The following SLC19A1 variants were observed in gnomAD, a reference collection of about 807,000 sequenced individuals.
SLC19A1 encodes the protein reduced folate transporter.
SLC19A1 carries 37 observed loss-of-function variants against 35.3 expected under a neutral mutation model. That is an observed-to-expected ratio of 1.05 (90% CI 0.81 to 1.38). The LOEUF is 1.38. SLC19A1 is among the 40% of genes most tolerant of loss of function. The pLI is 0.00. For synonymous variants in SLC19A1, 460 were observed against 398.5 expected, an observed-to-expected ratio of 1.15 and a Z score of -1.84; for missense variants, 831 against 826.9, an observed-to-expected ratio of 1.00 and a Z score of -0.06.
At chr21:45,512,505 T>G, downstream of SLC19A1, 1 of 977,010 alleles carries the variant, frequency 1.0e-6, no homozygotes, top group Non-Finnish European at 1.6e-6. Flanking sequence ...CTGGCTGCCA[T>G]ACTTTCCTGT....
At position 45,507,555 on chromosome 21, in the gene SLC19A1, T is replaced by A. The variant is rs368420980; in HGVS notation, c.498-8943A>T. ...GGTCCTGGGTGACCCTGCTGCTTTC[T>A]TCCAGCTGGAGGCCCGGACACCACT... is the stretch of plus-strand genomic sequence containing the variant. On this transcript the variant is annotated intron_variant, in intron 3 of 4. Coordinates refer to the SLC19A1 transcript ENST00000417954. 4.4e-4 allele frequency: 711 copies of A among 1,612,050 alleles called. 3 individuals carry two copies. The Middle Eastern group carries it at 5.0e-3, about 11-fold the overall frequency.
intron 5 of SLC19A1, among the ~76,000 whole-genome samples, chr21:45,520,753 G>C (rs1476393611): frequency 6.6e-6 from 1 of 152,202 alleles, no homozygotes; most frequent in Non-Finnish European, 1.5e-5. Context: ...GGGCATGGTG[G>C]CTCATGCCTG....
At chr21:45,523,443 C>T (rs1175644349) in intron 5 of SLC19A1, among the ~76,000 whole-genome samples, 2 of 152,224 alleles carry the variant, frequency 1.3e-5, no homozygotes, top group African/African-American at 4.8e-5. Flanking sequence ...TCCACGGCCA[C>T]ACCAGGACCA....
downstream of SLC19A1, chr21:45,511,117 C>T (rs1165305931): frequency 2.6e-6 from 4 of 1,564,288 alleles, no homozygotes; most frequent in African/African-American, 5.5e-5. Flanking sequence ...CCAGGACGAG[C>T]TGCTGTTTCC....
At chr21:45,532,200 C>T (rs749085791) in intron 2 of SLC19A1, 52 bp from the exon 3 acceptor site, 5 of 1,467,630 alleles carry the variant, frequency 3.4e-6, no homozygotes, top group Non-Finnish European at 3.7e-6. Context: ...GCTGCCGCTG[C>T]GGCAGACACA....
intron 3 of SLC19A1, chr21:45,503,954 G>GA: frequency 6.2e-7 from 1 of 1,606,404 alleles, no homozygotes; most frequent in Non-Finnish European, 8.5e-7. Flanking sequence ...GCTGCAGAGG[G>GA]AACCCGGCGC....
In SLC19A1 at chr21:45,534,652, C is replaced by A; in HGVS notation, c.190-2504G>T. ...TTGAGGGTCTGAGCGCAGAGCTCCC[C>A]CTTGGCAGCCACCCAGAGCCCTCCC... On this transcript the variant is annotated intron_variant, in intron 2 of 5. Coordinates refer to ENST00000311124, the MANE Select transcript of SLC19A1 (RefSeq NM_194255.4). This position sits in a 1 kb window ranked among gnomAD's most constrained non-coding sequence, Gnocchi z 4.2. The A allele has an allele frequency of 6.6e-7, 1 of 1,507,578 alleles. No homozygotes were observed. The highest frequency in any genetic ancestry group is 1.2e-5 in the South Asian group (1 of 83,382). The allele number at this position is 1,507,578 out of a possible 1,614,324, so 93.4% of individuals were successfully genotyped here.
rs202106628 is a variant in SLC19A1 at position 45,504,537 on chromosome 21, G to A, written c.498-5925C>T. The A allele has an allele frequency of 1.2e-3, 1,845 of 1,570,908 alleles. 3 individuals carry two copies. The highest frequency in any genetic ancestry group is 1.4e-3 in the Non-Finnish European group (1,676 of 1,159,076). Reference sequence around the variant, plus strand: ...GGCCCCCCAGGCCCCCCAGGCCCACGTGGCTACCCTGGGATTCCAGTAAGT... The same window carrying A: ...GGCCCCCCAGGCCCCCCAGGCCCACATGGCTACCCTGGGATTCCAGTAAGT... On this transcript the variant is annotated intron_variant, in intron 3 of 4. Coordinates refer to the SLC19A1 transcript ENST00000417954.
At chr21:45,545,269 G>A (rs556402165), upstream of SLC19A1, among the ~76,000 whole-genome samples, 177 of 152,290 alleles carry the variant, frequency 1.2e-3, no homozygotes, top group Middle Eastern at 6.8e-3. Context: ...GTTGGATCAT[G>A]AGGACGGATC....
At chr21:45,529,665 GTGTGTGTCCATGTGTGAGCATGTGT>G (rs2077783217) in intron 4 of SLC19A1, among the ~76,000 whole-genome samples, 2 of 151,604 alleles carry the variant, frequency 1.3e-5, no homozygotes, top group Middle Eastern at 3.4e-3. Context: ...TGAACGTGTG[GTGTGTGTCCATGTGTGAGCATGTGT>G]TGTGTGTCCG....
intron 1 of SLC19A1, among the ~76,000 whole-genome samples, chr21:45,555,791 G>C (rs2078555342): frequency 6.6e-6 from 1 of 152,128 alleles, no homozygotes; most frequent in Non-Finnish European, 1.5e-5. Context: ...CGAGGGGCCC[G>C]GCTGCCGCCC....
chr21:45,511,260 A>C, downstream of SLC19A1: 1 of 1,234,060 alleles, frequency 8.1e-7, no homozygotes, highest in Admixed American at 1.9e-5. Context: ...CAGCTCTGAG[A>C]GCCCCAGCCA....
upstream of SLC19A1, among the ~76,000 whole-genome samples, chr21:45,547,105 C>T (rs1048558449): frequency 2.0e-5 from 3 of 152,100 alleles, no homozygotes; most frequent in Admixed American, 6.5e-5. Context: ...AATTGGAAGA[C>T]AGAATTTGAA....
intron 1 of SLC19A1, 54 bp from the exon 2 acceptor site, chr21:45,538,062 T>G: frequency 1.8e-6 from 2 of 1,082,378 alleles, no homozygotes; most frequent in Non-Finnish European, 2.5e-6. Flanking sequence ...CAGGCCTCCC[T>G]ACCCCGCAAA....
At position 45,530,895 on chromosome 21, in the gene SLC19A1, G is replaced by A; in HGVS notation, c.1026C>T (p.Val342=). 6.8e-7 allele frequency: 1 copy of A among 1,480,920 alleles called. No homozygotes were observed. Among genetic ancestry groups the A allele is most frequent in the African/African-American group, 1.5e-5 (1 of 68,050 alleles). The allele number at this position is 1,480,920 out of a possible 1,614,324, so 91.7% of individuals were successfully genotyped here. The change falls in exon 4 of 6, where the codon GTC becomes GTT. Residue 342 remains valine (V), a synonymous_variant. Coordinates refer to ENST00000311124, the MANE Select transcript of SLC19A1 (RefSeq NM_194255.4). The surrounding 1 kb of genome is among the most constrained non-coding windows in gnomAD (Gnocchi z 5.3). ...ARWSKLLIAG[V]TATQAGLVFL... ...AGACCAGCCCCGCCTGCGTGGCCGTGACGCCCGCGATGAGCAGCTTGGACC... is the reference window on the plus strand; with the variant it reads ...AGACCAGCCCCGCCTGCGTGGCCGTAACGCCCGCGATGAGCAGCTTGGACC...
Position 45,556,462 on chromosome 21 carries a change from G to C in SLC19A1, c.-50+6280C>G, listed in dbSNP as rs894407168. On this transcript the variant is annotated intron_variant, in intron 1 of 5. Coordinates refer to the SLC19A1 transcript ENST00000650808. ...GTTTGGTGCTTCCAACTTTTCAAGA[G>C]AAGCTTGAAATCTGTAATTCTTATG... Among the ~76,000 whole-genome samples, 6 of 152,380 alleles carry C rather than the reference G, an allele frequency of 3.9e-5. No individual in the cohort carries two copies. The South Asian group carries it at 1.2e-3, about 32-fold the overall frequency.
At chr21:45,535,829 A>C (rs1426466741) in intron 2 of SLC19A1, among the ~76,000 whole-genome samples, 1 of 152,246 alleles carries the variant, frequency 6.6e-6, no homozygotes, top group Non-Finnish European at 1.5e-5. Context: ...CCCACGTGGA[A>C]CGTCTCTCAA....
chr21:45,508,710 C>T (rs1343171461), downstream of SLC19A1, among the ~76,000 whole-genome samples: 1 of 152,144 alleles, frequency 6.6e-6, no homozygotes, highest in African/African-American at 2.4e-5. Flanking sequence ...TCTGCTCTCA[C>T]TCATTTGCTG....
downstream of SLC19A1, chr21:45,507,658 C>T (rs2037302383): frequency 6.1e-6 from 9 of 1,480,108 alleles, no homozygotes; most frequent in Admixed American, 3.5e-5. Context: ...TGTGCTGTCC[C>T]CTGTTTGAGG....
Sources: gnomAD v4.1 joint callset for allele counts (sites outside exome capture counted in the v4.1 genomes callset) on GRCh38, gnomAD v4.1.1 for gene constraint, Gnocchi (gnomAD v3.1) non-coding constraint, MANE v1.5 for transcripts, NCBI Gene and HGNC (gene_info 2026-07-23, HGNC 2026-07-21) for gene names.